The following GSG1L variants were observed in gnomAD, a reference collection of about 807,000 sequenced individuals.
The protein encoded by GSG1L is germ cell-specific gene 1-like protein.
Under a neutral mutation model 42.1 loss-of-function variants are expected in GSG1L, and 24 were observed. The ratio of observed to expected loss-of-function variants is 0.57; its 90% CI spans 0.41 to 0.80. The LOEUF (loss-of-function observed/expected upper bound fraction) is 0.80. Ranked by LOEUF, GSG1L falls within the 30% of genes least tolerant of loss-of-function variation. The pLI is 0.00. For synonymous variants in GSG1L, 215 were observed against 203.5 expected (o/e 1.06, Z -0.48); for missense variants, 445 against 472.2 (o/e 0.94, Z 0.53).
chr16:27,841,015 TAAC>T (rs1406620680), intron 4 of GSG1L, among the ~76,000 whole-genome samples: 1 of 152,084 alleles, frequency 6.6e-6, no homozygotes, highest in Non-Finnish European at 1.5e-5. Context: ...TAAGAACAAA[TAAC>T]AACACATTTT....
chr16:28,052,121 A>G (rs72785849), intron 1 of GSG1L, among the ~76,000 whole-genome samples: 32,700 of 151,606 alleles, frequency 0.22, 4,478 homozygotes, highest in East Asian at 0.3. Flanking sequence ...GAGAGAAAGG[A>G]GTCAAAGATG....
At chr16:28,010,558 T>G (rs937125868) in intron 1 of GSG1L, among the ~76,000 whole-genome samples, 6 of 152,154 alleles carry the variant, frequency 3.9e-5, no homozygotes, top group African/African-American at 1.4e-4. Context: ...CAAGGCCATT[T>G]CCAGCCTGCA....
chr16:27,960,861 T>G (rs2085062293), intron 2 of GSG1L, among the ~76,000 whole-genome samples: 1 of 151,754 alleles, frequency 6.6e-6, no homozygotes, highest in African/African-American at 2.4e-5. Context: ...AACATTTTTA[T>G]ATACACAGCC....
At chr16:27,965,128 C>T (rs554116487) in intron 1 of GSG1L, among the ~76,000 whole-genome samples, 1 of 152,248 alleles carries the variant, frequency 6.6e-6, no homozygotes, top group South Asian at 2.1e-4. Flanking sequence ...AAGCAATTCT[C>T]CTGCCTCAGC....
intron 6 of GSG1L, among the ~76,000 whole-genome samples, chr16:27,796,309 G>A (rs746084142): frequency 1.2e-4 from 18 of 152,096 alleles, no homozygotes; most frequent in Non-Finnish European, 1.9e-4. Flanking sequence ...AAGAGTGGTG[G>A]AAAATGAATC....
intron 2 of GSG1L, among the ~76,000 whole-genome samples, chr16:27,915,073 G>A (rs943269093): frequency 2.0e-5 from 3 of 151,994 alleles, no homozygotes; most frequent in Non-Finnish European, 4.4e-5. Context: ...GCTCTTAACC[G>A]TAGATATCAC....
chr16:27,977,683 T>A (rs1233419815), intron 1 of GSG1L, among the ~76,000 whole-genome samples: 1 of 151,986 alleles, frequency 6.6e-6, no homozygotes, highest in Non-Finnish European at 1.5e-5. Context: ...ATTTCCATCT[T>A]TTGCAAAAGT....
At chr16:28,051,649 A>C (rs1321078139) in intron 1 of GSG1L, among the ~76,000 whole-genome samples, 1 of 152,224 alleles carries the variant, frequency 6.6e-6, no homozygotes, top group Non-Finnish European at 1.5e-5. Flanking sequence ...AAAGAGTTTC[A>C]GGCTAAGGGA....
chr16:27,866,534 C>G (rs1005829164), intron 3 of GSG1L, among the ~76,000 whole-genome samples: 1 of 152,170 alleles, frequency 6.6e-6, no homozygotes, highest in East Asian at 1.9e-4. Context: ...GCAATCTGCC[C>G]TCCACCCCTA....
At chr16:27,894,279 C>T (rs1325267481) in intron 2 of GSG1L, among the ~76,000 whole-genome samples, 1 of 152,172 alleles carries the variant, frequency 6.6e-6, no homozygotes, top group African/African-American at 2.4e-5. Context: ...AACACCTGTC[C>T]TGTCTAAGGT....
intron 3 of GSG1L, among the ~76,000 whole-genome samples, chr16:27,860,125 G>A (rs2083627277): frequency 6.6e-6 from 1 of 152,190 alleles, no homozygotes; most frequent in Non-Finnish European, 1.5e-5. Context: ...AAGCTGCTGA[G>A]AAACAGGCAA....
intron 2 of GSG1L, among the ~76,000 whole-genome samples, chr16:27,887,193 T>G (rs2141026984): frequency 6.6e-6 from 1 of 152,142 alleles, no homozygotes; most frequent in Middle Eastern, 3.4e-3. Context: ...TAAGCTCAAG[T>G]GATCATCCTC....
chr16:27,828,971 G>A lies in GSG1L; in HGVS notation c.663-15C>T, dbSNP rs1304775680. On this transcript the variant is annotated splice_polypyrimidine_tract_variant and intron_variant, in intron 4 of 6. Transcript: ENST00000447459. The stretch of plus-strand genomic sequence containing the variant: ...CCCACGCCAGGCTGCCAAGAGATCA[G>A]GAGAGAGATGCCATCGTGAGGGTGG... 6.2e-7 allele frequency: 1 copy of A among 1,612,292 alleles called. No homozygotes were observed. Among genetic ancestry groups the A allele is most frequent in the Admixed American group, 1.7e-5 (1 of 59,918 alleles).
intron 2 of GSG1L, among the ~76,000 whole-genome samples, chr16:27,960,042 A>T (rs1314656496): frequency 6.6e-6 from 1 of 151,878 alleles, no homozygotes; most frequent in East Asian, 2.0e-4. Flanking sequence ...TGAGCAGGGG[A>T]CAAGAGGGTA....
At position 27,921,746 on chromosome 16, in the gene GSG1L, G is replaced by C. The variant is rs187063464; in HGVS notation, c.398-37108C>G. 1.7e-4 allele frequency among the ~76,000 whole-genome samples: 26 copies of C among 152,288 alleles called. No individual in the cohort carries two copies. In the East Asian group the frequency reaches 5.0e-3, roughly 29 times the overall value. On this transcript the variant is annotated intron_variant, in intron 2 of 6. Coordinates refer to ENST00000447459, the MANE Select transcript of GSG1L (RefSeq NM_001109763.2). ...TGTATATAACCAGATCTTTGTGTTG[G>C]TTTCTTTTCCAGGCTCTTGTTTTAG...
rs376701649 is a variant in GSG1L at position 27,807,597 on chromosome 16, G to A, written c.831-43C>T. On this transcript the variant is annotated intron_variant, in intron 5 of 6. Coordinates refer to ENST00000447459, the MANE Select transcript of GSG1L (RefSeq NM_001109763.2). The stretch of plus-strand genomic sequence containing the variant: ...CAAAAACAAAATCCTAGGTAGGAAA[G>A]AGAAGGATGAGTGGGCAGAGACCCA... 5.3e-4 allele frequency: 824 copies of A among 1,548,256 alleles called. 7 individuals are homozygous for A. Among genetic ancestry groups the A allele is most frequent in the Admixed American group, 1.7e-4 (10 of 57,846 alleles).
intron 2 of GSG1L, among the ~76,000 whole-genome samples, chr16:27,939,541 A>C (rs560034303): frequency 3.3e-5 from 5 of 152,352 alleles, no homozygotes; most frequent in African/African-American, 1.2e-4. Flanking sequence ...GTATGACAGA[A>C]TGACACACTG....
chr16:27,961,629 G>A (rs768692432), intron 2 of GSG1L, among the ~76,000 whole-genome samples: 3 of 152,166 alleles, frequency 2.0e-5, no homozygotes, highest in Non-Finnish European at 2.9e-5. Context: ...CACTGTATCC[G>A]GCACATAGTA....
At chr16:27,873,980 C>T (rs2083854469) in intron 3 of GSG1L, among the ~76,000 whole-genome samples, 1 of 152,186 alleles carries the variant, frequency 6.6e-6, no homozygotes, top group Admixed American at 6.5e-5. Flanking sequence ...CCAGGCCTCT[C>T]CCTTAATGTG....
Sources: allele counts gnomAD v4.1 joint callset (sites outside exome capture counted in the v4.1 genomes callset), GRCh38; gene constraint gnomAD v4.1.1; transcripts MANE v1.5; gene names NCBI Gene and HGNC (gene_info 2026-07-23, HGNC 2026-07-21).